The following BAZ2B variants were observed in gnomAD, a reference collection of about 807,000 sequenced individuals.
BAZ2B encodes the protein bromodomain adjacent to zinc finger domain protein 2B.
In BAZ2B, 91 loss-of-function variants were observed where a neutral mutation model predicts 246.0. The ratio of observed to expected loss-of-function variants is 0.37; its 90% CI spans 0.31 to 0.44. The LOEUF (loss-of-function observed/expected upper bound fraction) is 0.44, where lower values mean the gene tolerates loss of function less well. Ranked by LOEUF, BAZ2B falls within the 20% of genes least tolerant of loss-of-function variation. The pLI is 1.00. For synonymous variants in BAZ2B, 855 were observed against 860.0 expected (o/e 0.99, Z 0.10); for missense variants, 2,332 against 2,533.7 (o/e 0.92, Z 1.71).
At chr2:159,529,961 T>C (rs1258125311) in intron 2 of BAZ2B, among the ~76,000 whole-genome samples, 1 of 152,184 alleles carries the variant, frequency 6.6e-6, no homozygotes, top group African/African-American at 2.4e-5. Flanking sequence ...ATATGAAAGA[T>C]CTCACCAGTT....
intron 13 of BAZ2B, among the ~76,000 whole-genome samples, chr2:159,416,226 T>C (rs2067686492): frequency 1.3e-5 from 2 of 152,238 alleles, no homozygotes; most frequent in South Asian, 4.1e-4. Context: ...GTAATTCTTA[T>C]CTTAAAGATA....
chr2:159,534,263 G>T (rs2085685809), intron 2 of BAZ2B, among the ~76,000 whole-genome samples: 2 of 152,156 alleles, frequency 1.3e-5, no homozygotes, highest in African/African-American at 2.4e-5. Flanking sequence ...GTTGTTAGGT[G>T]ATTTTGTTGT....
At chr2:159,570,269 C>T (rs1345881533) in intron 1 of BAZ2B, among the ~76,000 whole-genome samples, 1 of 151,608 alleles carries the variant, frequency 6.6e-6, no homozygotes, top group Non-Finnish European at 1.5e-5. Flanking sequence ...ACTGCAATCT[C>T]CACCTCCTGG....
Position 159,322,558 on chromosome 2 carries a change from C to A in BAZ2B, c.6354-2140G>T, listed in dbSNP as rs531471725. Among the ~76,000 whole-genome samples, 18 of 152,274 alleles carry A rather than the reference C, an allele frequency of 1.2e-4. No homozygotes were observed. In the South Asian group the frequency reaches 3.7e-3, roughly 32 times the overall value. ...TATTTTAAAGTTGATTTGAGAACTA[C>A]TTCTGCCTTTGTTCCTTACCCTAAG... On this transcript the variant is annotated intron_variant, in intron 36 of 36. Transcript: ENST00000392783.
At chr2:159,316,386 C>T (rs111723534), downstream of BAZ2B, among the ~76,000 whole-genome samples, 1,811 of 152,142 alleles carry the variant, frequency 0.012, 39 homozygotes, top group African/African-American at 0.042. Context: ...GTCACATCCC[C>T]CTGGAAAGAA....
chr2:159,520,511 C>T (rs1578046823), intron 2 of BAZ2B, among the ~76,000 whole-genome samples: 1 of 152,100 alleles, frequency 6.6e-6, no homozygotes, highest in Admixed American at 6.6e-5. Flanking sequence ...ATATTACCCA[C>T]CATGAATAAC....
chr2:159,482,238 G>A (rs772318053), intron 2 of BAZ2B, among the ~76,000 whole-genome samples: 38 of 151,450 alleles, frequency 2.5e-4, no homozygotes, highest in Non-Finnish European at 4.4e-4. Context: ...AAGGAATGAA[G>A]AACAGACTAC....
At chr2:159,681,669 G>T in the BAZ2B span, among the ~76,000 whole-genome samples, 3 of 152,142 alleles carry the variant, frequency 2.0e-5, no homozygotes, top group Non-Finnish European at 2.9e-5. Context: ...GGTGGCTCAC[G>T]CCTGTAATCC....
chr2:159,348,782 A>G lies in BAZ2B; in HGVS notation c.5189T>C (p.Leu1730Ser). ...RIIDPEDLKA[L>S]LKVLHLRGIR... ...TCCTCTGAGATGCAGCACTTTGAGCAAAGCTTTTAGGTCCTCTGGGTCAAT... is the reference window on the plus strand; with the variant it reads ...TCCTCTGAGATGCAGCACTTTGAGCGAAGCTTTTAGGTCCTCTGGGTCAAT... Residue 1730 changes from leucine (L) to serine (S), a missense_variant, in exon 30 of 37, where the codon TTG (leucine) becomes TCG (serine). By Grantham distance (145) the Leu-to-Ser change is moderately radical. This residue lies in a region of BAZ2B where 676 missense variants were observed against 668.6 expected (regional missense o/e 1.01). Coordinates refer to ENST00000392783, the MANE Select transcript of BAZ2B (RefSeq NM_013450.4). 1 of 1,613,096 alleles carries G rather than the reference A, an allele frequency of 6.2e-7. No individual in the cohort carries two copies. Among genetic ancestry groups the G allele is most frequent in the Non-Finnish European group, 8.5e-7 (1 of 1,179,772 alleles).
At chr2:159,447,044 T>C (rs949001655) in intron 5 of BAZ2B, 69 bp from the exon 6 acceptor site, 9 of 1,140,566 alleles carry the variant, frequency 7.9e-6, no homozygotes, top group Admixed American at 3.0e-5. Flanking sequence ...GAAGTACAGA[T>C]ATATGTACAG....
At chr2:159,693,343 T>C in the BAZ2B span, 1 of 152,192 alleles carries the variant, frequency 6.6e-6, no homozygotes, top group East Asian at 1.9e-4. Flanking sequence ...ATCCTTGATA[T>C]TCTTTTCTAT....
chr2:159,350,238 C>T lies in BAZ2B; in HGVS notation c.4333G>A (p.Glu1445Lys). Residue 1445 changes from glutamate (E) to lysine (K), a missense_variant, in exon 28 of 37, where the codon GAA (glutamate) becomes AAA (lysine). Around this residue, in one of 9 missense-constraint regions of BAZ2B, gnomAD observed 676 missense variants for 668.6 expected, o/e 1.01. Transcript: ENST00000392783. ...TTTTCTTTAAGATCTTCCTTTTGTT[C>T]ACAGTGATCTGTATTTGAACAATTT... is the stretch of plus-strand genomic sequence containing the variant. ...SLNCSNTDHC[E>K]QKEDLKEKDN... 6.2e-7 allele frequency: 1 copy of T among 1,613,398 alleles called. No homozygotes were observed. Among genetic ancestry groups the T allele is most frequent in the East Asian group, 2.2e-5 (1 of 44,858 alleles).
At chr2:159,424,488 TATATA>T (rs2069398960) in intron 13 of BAZ2B, among the ~76,000 whole-genome samples, 1 of 152,296 alleles carries the variant, frequency 6.6e-6, no homozygotes, top group African/African-American at 2.4e-5. Context: ...CTAAATTTTA[TATATA>T]ATATATGGAG....
At chr2:159,351,388 A>T (rs1284765534) in intron 27 of BAZ2B, among the ~76,000 whole-genome samples, 3 of 152,180 alleles carry the variant, frequency 2.0e-5, no homozygotes, top group African/African-American at 4.8e-5. Context: ...AATAGGTCCC[A>T]ATTATTCACT....
At chr2:159,673,991 G>A in the BAZ2B span, among the ~76,000 whole-genome samples, 1 of 151,602 alleles carries the variant, frequency 6.6e-6, no homozygotes, top group African/African-American at 2.4e-5. Context: ...TTTTTGTATA[G>A]TTTTTATTTA....
chr2:159,679,842 G>A, the BAZ2B span, among the ~76,000 whole-genome samples: 1 of 152,262 alleles, frequency 6.6e-6, no homozygotes, highest in Non-Finnish European at 1.5e-5. Flanking sequence ...TCTGCCCAGG[G>A]CATACATCAA....
the BAZ2B span, among the ~76,000 whole-genome samples, chr2:159,670,220 C>CTCGG: frequency 1.3e-5 from 2 of 152,204 alleles, no homozygotes; most frequent in African/African-American, 2.4e-5. Flanking sequence ...ATCCACCTGC[C>CTCGG]TCGGCCTTCC....
chr2:159,669,466 C>G, the BAZ2B span, among the ~76,000 whole-genome samples: 1 of 151,974 alleles, frequency 6.6e-6, no homozygotes, highest in Non-Finnish European at 1.5e-5. Flanking sequence ...CGGTTCAAAT[C>G]TTCTATGTCT....
At chr2:159,584,729 C>A (rs1363120978) in intron 1 of BAZ2B, among the ~76,000 whole-genome samples, 1 of 152,194 alleles carries the variant, frequency 6.6e-6, no homozygotes, top group Non-Finnish European at 1.5e-5. Flanking sequence ...CTCACCAAAT[C>A]TCATGCTGAA....
Sources: gnomAD v4.1 joint callset for allele counts (sites outside exome capture counted in the v4.1 genomes callset) on GRCh38, gnomAD v4.1.1 for gene constraint, gnomAD v4.1.1 regional missense constraint, MANE v1.5 for transcripts, NCBI Gene and HGNC (gene_info 2026-07-23, HGNC 2026-07-21) for gene names.